ADAM22: variants seen among roughly 807,000 people sequenced by gnomAD.
The protein encoded by ADAM22 is ADAM metallopeptidase domain 22.
A neutral mutation model predicts 144.6 loss-of-function variants in ADAM22; 65 were observed. The ratio of observed to expected loss-of-function variants is 0.45; its 90% confidence interval spans 0.37 to 0.55. ADAM22 has a LOEUF of 0.55. Among genes scored for constraint, ADAM22 ranks in the 20% least tolerant of loss-of-function variants. The pLI is 0.00. For synonymous variants in ADAM22, 391 were observed against 412.6 expected, an observed-to-expected ratio of 0.95 and a Z score of 0.63; for missense variants, 974 against 1,184.9, an observed-to-expected ratio of 0.82 and a Z score of 2.61.
chr7:88,013,051 G>A (rs991997840), intron 3 of ADAM22, among the ~76,000 whole-genome samples: 1 of 152,196 alleles, frequency 6.6e-6, no homozygotes, highest in Non-Finnish European at 1.5e-5. Context: ...ACTCTCAAAA[G>A]TATGGGAACG....
intron 3 of ADAM22, 132 bp from the exon 4 acceptor site, chr7:88,075,494 G>GAC: frequency 1.4e-6 from 1 of 724,484 alleles, no homozygotes; most frequent in East Asian, 2.7e-5. Context: ...GAGAGAGAGA[G>GAC]AGAGACCTAT....
chr7:88,163,240 CCTAAA>C (rs1842174220), intron 23 of ADAM22, 60 bp downstream of exon 23: 1 of 1,345,796 alleles, frequency 7.4e-7, no homozygotes, highest in Non-Finnish European at 9.8e-7. Context: ...TAGACAGGAC[CCTAAA>C]CTATTTATTT....
intron 4 of ADAM22, among the ~76,000 whole-genome samples, chr7:88,078,541 A>T (rs1040615684): frequency 1.3e-5 from 2 of 152,232 alleles, no homozygotes; most frequent in African/African-American, 4.8e-5. Flanking sequence ...AGGAGATCAA[A>T]CTACTCCGAG....
chr7:88,031,334 GA>G (rs1249839062), intron 3 of ADAM22, among the ~76,000 whole-genome samples: 1 of 152,176 alleles, frequency 6.6e-6, no homozygotes, highest in Non-Finnish European at 1.5e-5. Context: ...AGAGGAAGAT[GA>G]GAGAAAGTTT....
rs114325011 is a variant in ADAM22, at chr7:88,176,343, G to A, written c.2301-2592G>A. 3.0e-3 allele frequency among the ~76,000 whole-genome samples: 460 copies of A among 152,294 alleles called. 4 individuals are homozygous for A. Among genetic ancestry groups the A allele is most frequent in the African/African-American group, 0.01 (436 of 41,556 alleles). ...TATGGAATTTTAGGGAAAAGCCAGTGAATTTCCATCTTTTGGAGACTTTGC... is the reference window on the plus strand; with the variant it reads ...TATGGAATTTTAGGGAAAAGCCAGTAAATTTCCATCTTTTGGAGACTTTGC... On this transcript the variant is annotated intron_variant, in intron 26 of 31. Transcript: ENST00000413139.
intron 3 of ADAM22, among the ~76,000 whole-genome samples, chr7:88,013,529 A>G (rs1251763683): frequency 3.3e-5 from 5 of 152,120 alleles, no homozygotes; most frequent in Admixed American, 1.3e-4. Context: ...GGCTCAAGGG[A>G]TCTTCCCGCA....
chr7:88,193,276 G>C, intron 31 of ADAM22, 37 bp downstream of exon 31: 2 of 1,601,704 alleles, frequency 1.2e-6, no homozygotes, highest in Non-Finnish European at 1.7e-6. Flanking sequence ...TACATGCTCA[G>C]TCATTATCAT....
chr7:88,131,008 CAG>C (rs1257218094), intron 10 of ADAM22, among the ~76,000 whole-genome samples: 1 of 152,096 alleles, frequency 6.6e-6, no homozygotes, highest in Non-Finnish European at 1.5e-5. Context: ...TACCAGAAAA[CAG>C]ATTCAGGTGG....
At position 88,060,650 on chromosome 7, in the gene ADAM22, C is replaced by A. The variant is rs564472314; in HGVS notation, c.324-14976C>A. Among the ~76,000 whole-genome samples, 82 of 151,320 alleles carry A rather than the reference C, an allele frequency of 5.4e-4. 1 individual carries two copies. The highest frequency in any genetic ancestry group is 1.9e-3 in the African/African-American group (78 of 41,218). ...GCATGGTGGCGGGTGCCTGTAGTCT[C>A]AGGCTACTCAGGAGGCTGAGGCAGG... On this transcript the variant is annotated intron_variant, in intron 3 of 31. Transcript: ENST00000413139.
At chr7:88,102,502 T>A (rs1425309493) in intron 4 of ADAM22, among the ~76,000 whole-genome samples, 1 of 152,138 alleles carries the variant, frequency 6.6e-6, no homozygotes, top group Non-Finnish European at 1.5e-5. Flanking sequence ...AGATTGTGAT[T>A]TAGATGGTTG....
intron 2 of ADAM22, among the ~76,000 whole-genome samples, chr7:87,957,771 A>G (rs1847132152): frequency 6.6e-6 from 1 of 152,014 alleles, no homozygotes; most frequent in Non-Finnish European, 1.5e-5. Flanking sequence ...TTTAGTAGAA[A>G]CGGGGTTTCA....
Position 88,181,511 on chromosome 7 carries a change from T to C in ADAM22, c.2502T>C (p.Asn834=). ...TCAATATTTTCAATTTCAGGTCAAA[T>C]GGGCTCTCTCATTCTTGGAGTGAAA... is the stretch of plus-strand genomic sequence containing the variant. The part of the protein sequence containing the change: ...QNISLFCSRS[N]GLSHSWSERI... The change falls in exon 28 of 32, where the codon AAT becomes AAC. Residue 834 remains asparagine (N), a synonymous_variant. Coordinates refer to ENST00000413139, the MANE Select transcript of ADAM22 (RefSeq NM_001324418.2). 6.2e-7 allele frequency: 1 copy of C among 1,613,296 alleles called. No individual in the cohort carries two copies. Among genetic ancestry groups the C allele is most frequent in the Non-Finnish European group, 8.5e-7 (1 of 1,179,544 alleles).
intron 14 of ADAM22, among the ~76,000 whole-genome samples, chr7:88,138,953 G>T (rs1344463102): frequency 2.0e-5 from 3 of 152,216 alleles, no homozygotes; most frequent in Non-Finnish European, 4.4e-5. Context: ...TCCCAGCTCT[G>T]CAGTGGGCAG....
At chr7:88,154,258 G>T (rs1453305078) in intron 21 of ADAM22, among the ~76,000 whole-genome samples, 1 of 152,150 alleles carries the variant, frequency 6.6e-6, no homozygotes, top group Non-Finnish European at 1.5e-5. Flanking sequence ...AAATTAAATG[G>T]AACCTTAGCT....
intron 4 of ADAM22, among the ~76,000 whole-genome samples, chr7:88,096,510 A>G (rs1821356303): frequency 1.3e-5 from 2 of 151,436 alleles, no homozygotes; most frequent in Admixed American, 6.6e-5. Flanking sequence ...ACATATATAT[A>G]TATTCCATAA....
At chr7:87,979,349 C>G (rs1026316616) in intron 3 of ADAM22, among the ~76,000 whole-genome samples, 2 of 152,192 alleles carry the variant, frequency 1.3e-5, no homozygotes. Flanking sequence ...TTTAAATTTA[C>G]ATTAATTCAT....
intron 2 of ADAM22, among the ~76,000 whole-genome samples, chr7:87,951,152 C>G (rs1033003894): frequency 2.0e-5 from 3 of 151,150 alleles, no homozygotes; most frequent in African/African-American, 7.3e-5. Context: ...AATTAGATCC[C>G]ATTTGTCAAT....
chr7:88,090,274 G>A (rs1585628858), intron 4 of ADAM22, among the ~76,000 whole-genome samples: 1 of 152,172 alleles, frequency 6.6e-6, no homozygotes, highest in African/African-American at 2.4e-5. Context: ...AGAACCCTCA[G>A]GTGCAGGTGT....
At chr7:88,085,993 G>A (rs575753803) in intron 4 of ADAM22, among the ~76,000 whole-genome samples, 134 of 152,170 alleles carry the variant, frequency 8.8e-4, no homozygotes, top group Non-Finnish European at 1.7e-3. Context: ...TGGCTAACAC[G>A]GTGAAACCCC....
Sources: gnomAD v4.1 joint callset for allele counts (sites outside exome capture counted in the v4.1 genomes callset) on GRCh38, gnomAD v4.1.1 for gene constraint, MANE v1.5 for transcripts, NCBI Gene and HGNC (gene_info 2026-07-23, HGNC 2026-07-21) for gene names.